TEX11: variants seen among roughly 807,000 people sequenced by gnomAD.
TEX11 encodes the protein testis-expressed protein 11.
TEX11 carries 7 observed loss-of-function variants against 84.4 expected under a neutral mutation model. That is an observed-to-expected ratio of 0.08 (90% confidence interval 0.05 to 0.16). The LOEUF is 0.16. Among genes scored for constraint, TEX11 ranks in the 10% least tolerant of loss-of-function variants. The pLI, the probability that TEX11 is intolerant of heterozygous loss-of-function variation, is 1.00. For synonymous variants in TEX11, 264 were observed against 222.8 expected (o/e 1.18, Z -1.64); for missense variants, 551 against 660.5 (o/e 0.83, Z 1.82).
At chrX:70,727,187 C>G (rs1016106967) in intron 11 of TEX11, among the ~76,000 whole-genome samples, 1 of 111,435 alleles carries the variant, frequency 9.0e-6, no homozygotes. Flanking sequence ...TCAGATCTCT[C>G]TGACTCTAAA....
In TEX11 at chrX:70,560,253, C is replaced by A. The variant is rs912659721; in HGVS notation, c.2141-5453G>T. 2.7e-5 allele frequency among the ~76,000 whole-genome samples: 3 copies of A among 109,297 alleles called. No homozygotes were observed. The South Asian group carries it at 1.2e-3, about 44-fold the overall frequency. The allele number at this position is 109,297 out of a possible 115,157, so 94.9% of individuals were successfully genotyped here. Reference sequence around the variant, plus strand: ...GTGACCTCCGCTTCCCGGGTTCAAGCGATTCTCCTGCCTCAGCCTACTGAG... The same window carrying A: ...GTGACCTCCGCTTCCCGGGTTCAAGAGATTCTCCTGCCTCAGCCTACTGAG... On this transcript the variant is annotated intron_variant, in intron 25 of 29. Transcript: ENST00000374333.
intron 14 of TEX11, among the ~76,000 whole-genome samples, chrX:70,679,418 A>T (rs1425551171): frequency 2.0e-5 from 2 of 101,008 alleles, no homozygotes; most frequent in African/African-American, 7.4e-5. Context: ...GGATGTGAGG[A>T]GCCCCTCTGC....
rs746118756 is a variant in TEX11, at chrX:70,613,542, G to A, written c.1752-2999C>T. Among the ~76,000 whole-genome samples the A allele has an allele frequency of 5.4e-5, 6 of 112,042 alleles. No individual in the cohort carries two copies. The East Asian group carries it at 1.1e-3, about 21-fold the overall frequency. On this transcript the variant is annotated intron_variant, in intron 20 of 29. Transcript: ENST00000374333. ...AAGTGGGGAATCTCCCATCCCAGTC[G>A]TTGGAATCTGAATTCCAGCAAGCCT...
At chrX:70,698,070 CT>C (rs2090295652) in intron 13 of TEX11, among the ~76,000 whole-genome samples, 1 of 110,747 alleles carries the variant, frequency 9.0e-6, no homozygotes, top group African/African-American at 3.3e-5. Context: ...TATGTACACA[CT>C]TATGGGGTAC....
rs950722359 is a variant in TEX11 at position 70,767,178 on chromosome X, G to T, written c.693-22959C>A. ...GAAGCAATAAACAAAATGAAGAGAC[G>T]ACCCACAGAACTGAAGAAAATGTGT... On this transcript the variant is annotated intron_variant, in intron 9 of 29. Transcript: ENST00000374333. 2.7e-5 allele frequency among the ~76,000 whole-genome samples: 3 copies of T among 111,227 alleles called. 1 individual carries two copies. The highest frequency in any genetic ancestry group is 9.8e-5 in the African/African-American group (3 of 30,585).
Position 70,839,537 on chromosome X carries a change from G to GA in TEX11, c.526-5945dup, listed in dbSNP as rs760081044. ...AAGGTAGATAAAACCACAAAGATGGGAAAAAAACAGAGCAGAAAAACTGGA... is the reference window on the plus strand; with the variant it reads ...AAGGTAGATAAAACCACAAAGATGGGAAAAAAAACAGAGCAGAAAAACTGGA... On this transcript the variant is annotated intron_variant, in intron 7 of 29. Coordinates refer to ENST00000374333, the MANE Select transcript of TEX11 (RefSeq NM_031276.3). 6.3e-5 allele frequency among the ~76,000 whole-genome samples: 7 copies of GA among 111,478 alleles called. No individual in the cohort carries two copies. The East Asian group carries it at 8.4e-4, about 13-fold the overall frequency.
chrX:70,739,494 C>T (rs1336961098), intron 11 of TEX11, among the ~76,000 whole-genome samples: 3 of 107,136 alleles, frequency 2.8e-5, no homozygotes, highest in African/African-American at 1.0e-4. Context: ...TCACTGCAAC[C>T]TCTGCCTCCT....
chrX:70,784,512 T>A (rs1340157145), intron 9 of TEX11, among the ~76,000 whole-genome samples: 1 of 111,528 alleles, frequency 9.0e-6, no homozygotes, highest in African/African-American at 3.3e-5. Flanking sequence ...ATAAAGGGTA[T>A]TCAATTAGGA....
rs2147641790 is a variant in TEX11, at chrX:70,673,799, C to T, written c.1243-3285G>A. Among the ~76,000 whole-genome samples the T allele has an allele frequency of 1.8e-5, 2 of 111,641 alleles. 1 individual carries two copies. The highest frequency in any genetic ancestry group is 1.9e-4 in the Admixed American group (2 of 10,547). ...TATGGATCTATGTCTCTAATGATAC[C>T]ACACAGTCTAGATTACTGTAGCTAT... On this transcript the variant is annotated intron_variant, in intron 15 of 29. Transcript: ENST00000374333.
At chrX:70,726,705 A>G (rs1158657476) in intron 11 of TEX11, among the ~76,000 whole-genome samples, 6 of 109,425 alleles carry the variant, frequency 5.5e-5, no homozygotes, top group African/African-American at 1.0e-4. Flanking sequence ...TCATTTTTGT[A>G]TTTTTAGTAG....
At chrX:70,732,583 C>A (rs1477659306) in intron 11 of TEX11, among the ~76,000 whole-genome samples, 1 of 111,348 alleles carries the variant, frequency 9.0e-6, no homozygotes, top group Non-Finnish European at 1.9e-5. Context: ...ACCTAGGAAT[C>A]CAACTTACAA....
intron 2 of TEX11, chrX:70,897,715 GAAAGAAAGAAAGAA>G (rs2091780698): frequency 1.0e-5 from 1 of 100,184 alleles, no homozygotes; most frequent in East Asian, 3.6e-4. Context: ...AAGAAAGAAA[GAAAGAAAGAAAGAA>G]AGAAAGAAAA....
In TEX11 at chrX:70,853,802, C is replaced by A. The variant is rs773270455; in HGVS notation, c.325-474G>T. Reference sequence around the variant, plus strand: ...TCACAGTATTGTAACTGGTAGATATCCCAACATGCACAAAAATGCAAAATG... The same window carrying A: ...TCACAGTATTGTAACTGGTAGATATACCAACATGCACAAAAATGCAAAATG... On this transcript the variant is annotated intron_variant, in intron 5 of 29. Transcript: ENST00000374333. 8.9e-5 allele frequency among the ~76,000 whole-genome samples: 10 copies of A among 112,070 alleles called. No individual in the cohort carries two copies. In the South Asian group the frequency reaches 2.6e-3, roughly 29 times the overall value.
chrX:70,778,644 T>A (rs981701369), intron 9 of TEX11, among the ~76,000 whole-genome samples: 27 of 103,802 alleles, frequency 2.6e-4, no homozygotes, highest in African/African-American at 1.1e-3. Flanking sequence ...TGTTTGTTTG[T>A]TTTTGTTTTT....
Position 70,744,229 on chromosome X carries a change from A to T in TEX11, c.693-10T>A. 1.4e-6 allele frequency: 1 copy of T among 707,635 alleles called. No homozygotes were observed. 58.3% of individuals were successfully genotyped at this position (707,635 alleles called of 1,213,427 possible). ...AATATCATAGCTTTGGCTATCATTA[A>T]AAAGGAAAAAAAATATATATATATA... On this transcript the variant is annotated splice_polypyrimidine_tract_variant and intron_variant, in intron 9 of 29. Transcript: ENST00000374333.
rs2091518492 is a variant in TEX11, at chrX:70,853,257, A to G, written c.396T>C (p.Ala132=). 1 of 1,210,630 alleles carries G rather than the reference A, an allele frequency of 8.3e-7. No individual in the cohort carries two copies. Among genetic ancestry groups the G allele is most frequent in the Non-Finnish European group, 1.1e-6 (1 of 894,216 alleles). ...GTCAATGGTAACTTACGGCCACAGC[A>G]GCTTGAAAACATTCATCAGCGATTA... The part of the protein sequence containing the change: ...NFLIADECFQ[A]AVASLEQLYV... Residue 132 remains alanine, a synonymous_variant, in exon 6 of 30, where the codon GCT becomes GCC. Coordinates refer to ENST00000374333, the MANE Select transcript of TEX11 (RefSeq NM_031276.3).
intron 9 of TEX11, among the ~76,000 whole-genome samples, chrX:70,796,816 A>G (rs2091158057): frequency 8.9e-6 from 1 of 112,254 alleles, no homozygotes; most frequent in African/African-American, 3.2e-5. Flanking sequence ...TGAACAGACA[A>G]TTCTCAAAAG....
At chrX:70,780,136 T>G (rs2091028547) in intron 9 of TEX11, among the ~76,000 whole-genome samples, 1 of 109,922 alleles carries the variant, frequency 9.1e-6, no homozygotes, top group African/African-American at 3.3e-5. Flanking sequence ...TAGCCAGGCA[T>G]GGCTACACAT....
intron 9 of TEX11, among the ~76,000 whole-genome samples, chrX:70,771,179 A>C (rs1300805608): frequency 8.9e-6 from 1 of 112,706 alleles, no homozygotes; most frequent in Non-Finnish European, 1.9e-5. Flanking sequence ...TTGGGAGAAA[A>C]GCAGCACAGA....
Sources: gnomAD v4.1 joint callset for allele counts (sites outside exome capture counted in the v4.1 genomes callset) on GRCh38, gnomAD v4.1.1 for gene constraint, MANE v1.5 for transcripts, NCBI Gene and HGNC (gene_info 2026-07-23, HGNC 2026-07-21) for gene names.